Variants in IQSEC1 observed in about 807,000 individuals in gnomAD.
The protein encoded by IQSEC1 is IQ motif and SEC7 domain-containing protein 1.
A neutral mutation model predicts 91.0 loss-of-function variants in IQSEC1; 31 were observed. The observed-to-expected ratio is 0.34, with a 90% CI of 0.26 to 0.46. IQSEC1 has a LOEUF of 0.46. IQSEC1 is among the 20% of genes least tolerant of loss of function. IQSEC1 has a pLI of 1.00. For synonymous variants in IQSEC1, 699 were observed against 662.6 expected (o/e 1.05, Z -0.84); for missense variants, 1,388 against 1,575.6 (o/e 0.88, Z 2.02).
intron 1 of IQSEC1, among the ~76,000 whole-genome samples, chr3:13,062,021 C>A (rs533431456): frequency 6.6e-6 from 1 of 152,162 alleles, no homozygotes; most frequent in African/African-American, 2.4e-5. Context: ...CACACAGGAA[C>A]GTGTCCTGGG....
chr3:13,203,481 G>C (rs1028458185), intron 1 of IQSEC1, among the ~76,000 whole-genome samples: 3 of 152,156 alleles, frequency 2.0e-5, no homozygotes, highest in African/African-American at 4.8e-5. Flanking sequence ...CCAGATTCCA[G>C]AGACTCCCAA....
intron 2 of IQSEC1, among the ~76,000 whole-genome samples, chr3:13,157,119 T>C (rs1311538379): frequency 3.3e-5 from 5 of 152,224 alleles, no homozygotes; most frequent in South Asian, 2.1e-4. Context: ...GATGCACACA[T>C]ACACATTGTG....
At chr3:13,040,657 G>C (rs74741620) in intron 1 of IQSEC1, among the ~76,000 whole-genome samples, 2,096 of 152,274 alleles carry the variant, frequency 0.014, 59 homozygotes, top group African/African-American at 0.047. Flanking sequence ...CCCAGCCCCT[G>C]GTACCCCTTC....
intron 1 of IQSEC1, among the ~76,000 whole-genome samples, chr3:13,186,619 A>G (rs1693935614): frequency 6.6e-6 from 1 of 152,188 alleles, no homozygotes; most frequent in Non-Finnish European, 1.5e-5. Flanking sequence ...TCCTATGCAG[A>G]GGCCCATCTG....
chr3:13,070,965 T>G (rs1053824546), intron 1 of IQSEC1, among the ~76,000 whole-genome samples: 5 of 152,094 alleles, frequency 3.3e-5, no homozygotes, highest in African/African-American at 1.2e-4. Flanking sequence ...TATAGAACAT[T>G]GTCCCTGCAA....
intron 2 of IQSEC1, among the ~76,000 whole-genome samples, chr3:13,158,470 T>C (rs1207852442): frequency 6.6e-6 from 1 of 152,196 alleles, no homozygotes; most frequent in Non-Finnish European, 1.5e-5. Flanking sequence ...ACTAATTACG[T>C]TTACTCACAC....
intron 1 of IQSEC1, among the ~76,000 whole-genome samples, chr3:13,257,409 C>A (rs894322583): frequency 3.3e-5 from 5 of 152,240 alleles, no homozygotes; most frequent in African/African-American, 1.2e-4. Flanking sequence ...GTGGGTCCCA[C>A]ATTTGGTGAC....
chr3:12,977,298 T>C (rs1701227868), intron 1 of IQSEC1, among the ~76,000 whole-genome samples: 2 of 151,234 alleles, frequency 1.3e-5, no homozygotes, highest in South Asian at 2.1e-4. Flanking sequence ...CAGTGAGCCA[T>C]GATTGCACCA....
upstream of IQSEC1, among the ~76,000 whole-genome samples, chr3:13,075,249 T>G (rs889942734): frequency 6.6e-6 from 1 of 152,170 alleles, no homozygotes; most frequent in African/African-American, 2.4e-5. Flanking sequence ...GGTCCAGTTG[T>G]TTCATGGTCT....
chr3:12,938,396 G>A (rs1698423410), intron 2 of IQSEC1, among the ~76,000 whole-genome samples: 1 of 152,196 alleles, frequency 6.6e-6, no homozygotes, highest in African/African-American at 2.4e-5. Context: ...TCAGGGCCAC[G>A]CAGGGCCTTG....
At chr3:13,166,920 G>A (rs553751215) in intron 1 of IQSEC1, among the ~76,000 whole-genome samples, 4 of 152,348 alleles carry the variant, frequency 2.6e-5, no homozygotes, top group Admixed American at 2.6e-4. Flanking sequence ...GGAGCCCCTG[G>A]CATAACATCG....
rs1707052135 is a variant in IQSEC1 at position 13,154,458 on chromosome 3, T to TACACAC, written c.302+9645_302+9646insGTGTGT. Among the ~76,000 whole-genome samples, 14 of 53,388 alleles carry TACACAC rather than the reference T, an allele frequency of 2.6e-4. 4 individuals are homozygous for TACACAC. The South Asian group carries it at 3.1e-3, about 12-fold the overall frequency. The allele number at this position is 53,388 out of a possible 152,430, so 35.0% of individuals were successfully genotyped here. Reference sequence around the variant, plus strand: ...ACATGCATATATATATATATATATATATATATATATATATATATGCAAAAA... The same window carrying TACACAC: ...ACATGCATATATATATATATATATATACACACATATATATATATATATATGCAAAAA... On this transcript the variant is annotated intron_variant, in intron 2 of 15. Transcript: ENST00000648114.
chr3:13,010,296 C>T (rs1216543737), intron 1 of IQSEC1, among the ~76,000 whole-genome samples: 1 of 152,224 alleles, frequency 6.6e-6, no homozygotes, highest in African/African-American at 2.4e-5. Context: ...GGAATCCAAT[C>T]CTCCATTCTC....
intron 1 of IQSEC1, chr3:12,987,067 CT>C: frequency 2.5e-6 from 1 of 398,442 alleles, no homozygotes; most frequent in South Asian, 1.8e-5. Flanking sequence ...GATGAGCTCC[CT>C]CAGCCGTCCC....
chr3:12,957,903 C>G (rs1392879648), intron 1 of IQSEC1, among the ~76,000 whole-genome samples: 1 of 152,224 alleles, frequency 6.6e-6, no homozygotes, highest in African/African-American at 2.4e-5. Flanking sequence ...AGTCTACATT[C>G]GGCTCCACAC....
intron 1 of IQSEC1, among the ~76,000 whole-genome samples, chr3:13,261,621 G>T (rs1239123755): frequency 6.6e-6 from 1 of 151,634 alleles, no homozygotes; most frequent in African/African-American, 2.4e-5. Flanking sequence ...CACATGTGCT[G>T]CAAGGAGCTG....
At chr3:12,997,318 C>T (rs1006817013) in intron 1 of IQSEC1, among the ~76,000 whole-genome samples, 7 of 152,114 alleles carry the variant, frequency 4.6e-5, no homozygotes, top group Admixed American at 2.0e-4. Flanking sequence ...TTGATGGATA[C>T]CTTTTGGGAG....
chr3:13,119,957 G>T (rs554131828), intron 2 of IQSEC1, among the ~76,000 whole-genome samples: 69 of 152,306 alleles, frequency 4.5e-4, no homozygotes, highest in African/African-American at 1.7e-3. Flanking sequence ...GCTCTACTTC[G>T]AAGGTGGCCA....
At chr3:12,978,253 T>C (rs1295269879) in intron 1 of IQSEC1, among the ~76,000 whole-genome samples, 1 of 152,208 alleles carries the variant, frequency 6.6e-6, no homozygotes, top group Non-Finnish European at 1.5e-5. Context: ...TAGAGCCCAG[T>C]AGGCTGACAC....
Sources: allele counts gnomAD v4.1 joint callset (sites outside exome capture counted in the v4.1 genomes callset), GRCh38; gene constraint gnomAD v4.1.1; transcripts MANE v1.5; gene names NCBI Gene and HGNC (gene_info 2026-07-23, HGNC 2026-07-21).